Variants in HERC1 observed in about 807,000 individuals in gnomAD.
HERC1 encodes the protein probable E3 ubiquitin-protein ligase HERC1.
HERC1 carries 160 observed loss-of-function variants against 554.3 expected under a neutral mutation model. The ratio of observed to expected loss-of-function variants is 0.29; its 90% CI spans 0.25 to 0.33. The LOEUF is 0.33. HERC1 is among the 10% of genes least tolerant of loss of function. The pLI is 1.00. For missense variants in HERC1, 4,919 were observed against 5,918.5 expected, an observed-to-expected ratio of 0.83 and a Z score of 5.54; for synonymous variants, 2,175 against 2,131.7, an observed-to-expected ratio of 1.02 and a Z score of -0.56.
intron 2 of HERC1, among the ~76,000 whole-genome samples, chr15:63,766,076 A>T (rs1013942700): frequency 6.6e-6 from 1 of 151,996 alleles, no homozygotes; most frequent in Non-Finnish European, 1.5e-5. Context: ...TATAGCCTCA[A>T]CCTCCTGGGC....
intron 2 of HERC1, among the ~76,000 whole-genome samples, chr15:63,771,984 T>C (rs2075969652): frequency 6.6e-6 from 1 of 151,988 alleles, no homozygotes; most frequent in South Asian, 2.1e-4. Flanking sequence ...TAGCTGGGCA[T>C]GGTGGCAGGT....
At chr15:63,813,755 T>C (rs368089986) in intron 1 of HERC1, among the ~76,000 whole-genome samples, 2 of 152,142 alleles carry the variant, frequency 1.3e-5, no homozygotes, top group Non-Finnish European at 2.9e-5. Flanking sequence ...CAAATGCCTA[T>C]CAATGTCCTC....
At chr15:63,684,704 C>T (rs111410388) in intron 34 of HERC1, among the ~76,000 whole-genome samples, 31 of 151,462 alleles carry the variant, frequency 2.0e-4, no homozygotes, top group Admixed American at 3.9e-4. Flanking sequence ...TACCTTCTAG[C>T]GGGGGAAAAA....
chr15:63,779,826 C>CT (rs1244177127), intron 1 of HERC1: 5 of 151,534 alleles, frequency 3.3e-5, no homozygotes, highest in Non-Finnish European at 7.4e-5. Context: ...CCATCCTTGC[C>CT]AACATGGTGA....
intron 1 of HERC1, among the ~76,000 whole-genome samples, chr15:63,816,905 A>G (rs2077510050): frequency 2.0e-5 from 3 of 152,236 alleles, no homozygotes; most frequent in Non-Finnish European, 4.4e-5. Context: ...TAACATCACA[A>G]AGAGACATAA....
chr15:63,702,895 G>A (rs143763238), intron 25 of HERC1, among the ~76,000 whole-genome samples: 4,640 of 152,184 alleles, frequency 0.03, 228 homozygotes, highest in African/African-American at 0.11. Flanking sequence ...CACGAGGTCA[G>A]GAGTTCAAGA....
chr15:63,781,857 G>A (rs2076298468), intron 1 of HERC1, among the ~76,000 whole-genome samples: 1 of 152,222 alleles, frequency 6.6e-6, no homozygotes, highest in Admixed American at 6.5e-5. Flanking sequence ...ATAAAGAAGT[G>A]AAATCGCCTT....
At chr15:63,611,154 A>C (rs1434329600) in intron 77 of HERC1, among the ~76,000 whole-genome samples, 1 of 152,230 alleles carries the variant, frequency 6.6e-6, no homozygotes, top group Non-Finnish European at 1.5e-5. Flanking sequence ...AGAATTTTAA[A>C]AACAGCCTGG....
intron 1 of HERC1, among the ~76,000 whole-genome samples, chr15:63,799,824 C>T (rs1290744070): frequency 6.6e-6 from 1 of 152,092 alleles, no homozygotes; most frequent in Non-Finnish European, 1.5e-5. Context: ...AGGAGCCATT[C>T]CTAAATCAGA....
Position 63,643,572 on chromosome 15 carries a change from A to G in HERC1, c.11185-22T>C, listed in dbSNP as rs750273206. On this transcript the variant is annotated intron_variant, in intron 57 of 77. Transcript: ENST00000443617. ...CATCCTGAAATTCATTATTTTTAAC[A>G]TGCATTAAAATAAAGATAAATTATA... is the stretch of plus-strand genomic sequence containing the variant. 5 of 1,489,074 alleles carry G rather than the reference A, an allele frequency of 3.4e-6. No individual in the cohort carries two copies. In the East Asian group the frequency reaches 1.2e-4, roughly 37 times the overall value. The allele number at this position is 1,489,074 out of a possible 1,614,324, so 92.2% of individuals were successfully genotyped here.
intron 2 of HERC1, among the ~76,000 whole-genome samples, chr15:63,768,840 C>T (rs2075863948): frequency 6.6e-6 from 1 of 152,112 alleles, no homozygotes; most frequent in Non-Finnish European, 1.5e-5. Context: ...ACATAATTAA[C>T]TGAAATTATG....
At position 63,635,924 on chromosome 15, in the gene HERC1, T is replaced by C. The variant is rs746238188; in HGVS notation, c.12414+37A>G. On this transcript the variant is annotated intron_variant, in intron 65 of 77. Transcript: ENST00000443617. Reference sequence around the variant, plus strand: ...AAACCTATTCAACAACTAGTATATTTACAATGAAAGGCAAACTTATCCATT... The same window carrying C: ...AAACCTATTCAACAACTAGTATATTCACAATGAAAGGCAAACTTATCCATT... The C allele has an allele frequency of 2.6e-5, 42 of 1,605,216 alleles. No homozygotes were observed. The South Asian group carries it at 4.5e-4, about 17-fold the overall frequency.
rs1240409289 is a variant in HERC1 at position 63,694,954 on chromosome 15, A to T, written c.5122-60T>A. On this transcript the variant is annotated intron_variant, in intron 27 of 77. Transcript: ENST00000443617. This position sits in a 1 kb window ranked among gnomAD's most constrained non-coding sequence, Gnocchi z 4.3. ...GCAACAATAATACCTGCTTGCAAAA[A>T]GAAGTAATAACATTTTATTTCTAGT... is the stretch of plus-strand genomic sequence containing the variant. 52 of 1,480,224 alleles carry T rather than the reference A, an allele frequency of 3.5e-5. No homozygotes were observed. The highest frequency in any genetic ancestry group is 4.7e-5 in the Non-Finnish European group (51 of 1,090,334). 91.7% of individuals were successfully genotyped at this position (1,480,224 alleles called of 1,614,324 possible). A position where few individuals can be genotyped will look rare whatever the true frequency, so the allele number is the denominator to read the frequency against.
intron 71 of HERC1, among the ~76,000 whole-genome samples, chr15:63,625,625 C>T (rs1167715800): frequency 2.0e-5 from 3 of 147,238 alleles, no homozygotes; most frequent in African/African-American, 5.0e-5. Flanking sequence ...ACCCAAGAGG[C>T]AGAGGTTGCA....
At chr15:63,687,342 A>T (rs1057330327) in intron 33 of HERC1, among the ~76,000 whole-genome samples, 1 of 152,186 alleles carries the variant, frequency 6.6e-6, no homozygotes, top group African/African-American at 2.4e-5. Flanking sequence ...GTTTGAGATC[A>T]GCCTGGCTAA....
chr15:63,829,561 GTATATATATATATA>G lies in HERC1; in HGVS notation c.-27+4252_-27+4265del, dbSNP rs60037018. On this transcript the variant is annotated intron_variant, in intron 1 of 77. Coordinates refer to ENST00000443617, the MANE Select transcript of HERC1 (RefSeq NM_003922.4). The stretch of plus-strand genomic sequence containing the variant: ...TATATGTATGTGTGTGTGTGTGTGT[GTATATATATATATA>G]TATATATATATATATATATAATATA... 7.2e-4 allele frequency among the ~76,000 whole-genome samples: 59 copies of G among 81,728 alleles called. 1 individual carries two copies. In the South Asian group the frequency reaches 0.023, roughly 31 times the overall value. 53.6% of individuals were successfully genotyped at this position (81,728 alleles called of 152,430 possible).
At chr15:63,637,438 G>A in intron 64 of HERC1, 67 bp downstream of exon 64, 1 of 1,373,020 alleles carries the variant, frequency 7.3e-7, no homozygotes, top group Non-Finnish European at 1.0e-6. Context: ...GAAGGGCAAA[G>A]GTTTGTACGA....
At chr15:63,831,067 T>C (rs1222547370) in intron 1 of HERC1, among the ~76,000 whole-genome samples, 1 of 152,204 alleles carries the variant, frequency 6.6e-6, no homozygotes, top group Non-Finnish European at 1.5e-5. Context: ...TTCATGTGTA[T>C]GTTAAGCCAA....
chr15:63,615,009 G>T (rs2067753863), intron 76 of HERC1, among the ~76,000 whole-genome samples: 1 of 152,212 alleles, frequency 6.6e-6, no homozygotes, highest in South Asian at 2.1e-4. Flanking sequence ...TGCCCTCTTA[G>T]CTGAGGCTTA....
Sources: allele counts gnomAD v4.1 joint callset (sites outside exome capture counted in the v4.1 genomes callset), GRCh38; gene constraint gnomAD v4.1.1; non-coding constraint Gnocchi (gnomAD v3.1); transcripts MANE v1.5; gene names NCBI Gene and HGNC (gene_info 2026-07-23, HGNC 2026-07-21).